The following PHACTR4 variants were observed in gnomAD, a reference collection of about 807,000 sequenced individuals.
PHACTR4 encodes the protein phosphatase and actin regulator 4, also known as protein phosphatase 1, regulatory subunit 124.
Under a neutral mutation model 72.7 loss-of-function variants are expected in PHACTR4, and 51 were observed. That is an observed-to-expected ratio of 0.70 (90% CI 0.56 to 0.89). PHACTR4 has a LOEUF of 0.89. PHACTR4 is among the 40% of genes least tolerant of loss of function. The probability of loss-of-function intolerance (pLI) is 0.00; values close to 1 mark genes in which losing one functional copy is unlikely to be tolerated. For synonymous variants in PHACTR4, 255 were observed against 302.5 expected, an observed-to-expected ratio of 0.84 and a Z score of 1.63; for missense variants, 731 against 861.8, an observed-to-expected ratio of 0.85 and a Z score of 1.90.
chr1:28,477,719 G>A (rs1272445529), intron 8 of PHACTR4, among the ~76,000 whole-genome samples: 10 of 151,668 alleles, frequency 6.6e-5, no homozygotes. Context: ...TTGAGACAGT[G>A]TCTCACTCTG....
At chr1:28,421,836 G>A (rs905309380) in intron 2 of PHACTR4, among the ~76,000 whole-genome samples, 40 of 152,186 alleles carry the variant, frequency 2.6e-4, no homozygotes, top group Admixed American at 1.6e-3. Flanking sequence ...GTGTGTATTT[G>A]TTTAGTTCTG....
At chr1:28,379,931 A>C (rs536960598) in intron 1 of PHACTR4, among the ~76,000 whole-genome samples, 15 of 151,856 alleles carry the variant, frequency 9.9e-5, no homozygotes, top group Non-Finnish European at 1.9e-4. Flanking sequence ...ATTTTTCCAT[A>C]AGTGGAGTAA....
chr1:28,432,477 A>G (rs139761159), intron 2 of PHACTR4, among the ~76,000 whole-genome samples: 46 of 149,094 alleles, frequency 3.1e-4, no homozygotes, highest in Non-Finnish European at 6.2e-4. Flanking sequence ...CCCTGTCTCT[A>G]TAAAAAAAAA....
At position 28,496,582 on chromosome 1, in the gene PHACTR4, G is replaced by T; in HGVS notation, c.*33G>T. On this transcript the variant is annotated 3_prime_UTR_variant, in exon 14 of 14. Coordinates refer to ENST00000373839, the MANE Select transcript of PHACTR4 (RefSeq NM_001048183.3). ...GGTTGAGAGAGGAATCAACATGGCTGCTTTGCTGCTTCCTTCTCCAAAGTG... is the reference window on the plus strand; with the variant it reads ...GGTTGAGAGAGGAATCAACATGGCTTCTTTGCTGCTTCCTTCTCCAAAGTG... 2 of 1,612,254 alleles carry T rather than the reference G, an allele frequency of 1.2e-6. No individual in the cohort carries two copies. The highest frequency in any genetic ancestry group is 1.7e-6 in the Non-Finnish European group (2 of 1,178,942).
intron 1 of PHACTR4, among the ~76,000 whole-genome samples, chr1:28,389,658 A>T (rs1447002748): frequency 6.6e-6 from 1 of 151,946 alleles, no homozygotes. Flanking sequence ...TTGTATTTTT[A>T]GTAGAGATGG....
intron 2 of PHACTR4, among the ~76,000 whole-genome samples, chr1:28,456,177 CT>C (rs1199004259): frequency 6.6e-6 from 1 of 152,124 alleles, no homozygotes; most frequent in Non-Finnish European, 1.5e-5. Context: ...ATGCTTGCAA[CT>C]GCCCTGCTTC....
intron 1 of PHACTR4, among the ~76,000 whole-genome samples, chr1:28,379,497 CT>C (rs1482790193): frequency 6.6e-6 from 1 of 151,954 alleles, no homozygotes; most frequent in East Asian, 1.9e-4. Flanking sequence ...TGGTCTTGAA[CT>C]CCTGGTCTCA....
At chr1:28,379,541 T>C (rs1651969749) in intron 1 of PHACTR4, among the ~76,000 whole-genome samples, 1 of 151,962 alleles carries the variant, frequency 6.6e-6, no homozygotes, top group South Asian at 2.1e-4. Context: ...GCCAGAGTGC[T>C]AGGATTACAG....
At chr1:28,469,983 C>T (rs546872085) in intron 6 of PHACTR4, among the ~76,000 whole-genome samples, 28 of 151,638 alleles carry the variant, frequency 1.8e-4, no homozygotes, top group African/African-American at 5.1e-4. Flanking sequence ...CACTTGAACC[C>T]GGGAAGTGGC....
rs181628374 is a variant in PHACTR4 at position 28,486,405 on chromosome 1, A to C, written c.1761-2765A>C. On this transcript the variant is annotated intron_variant, in intron 9 of 13. Transcript: ENST00000373839. ...ACAGGAGTGATATGTTCATTCTTGC[A>C]ATTGTGATGATGATTTCACAGGTGA... Among the ~76,000 whole-genome samples the C allele has an allele frequency of 1.7e-4, 26 of 152,282 alleles. 1 individual carries two copies. The highest frequency in any genetic ancestry group is 1.4e-3 in the Admixed American group (22 of 15,276).
intron 3 of PHACTR4, 131 bp downstream of exon 3, chr1:28,459,389 C>CTTA: frequency 3.2e-6 from 2 of 631,618 alleles, no homozygotes; most frequent in Non-Finnish European, 4.9e-6. Flanking sequence ...TTATTCTTTC[C>CTTA]TTCTTCTTTT....
At chr1:28,457,906 G>A in intron 2 of PHACTR4, 2 of 976,024 alleles carry the variant, frequency 2.0e-6, no homozygotes, top group Non-Finnish European at 2.4e-6. Context: ...TTTTTTGGTT[G>A]CCTTCCTGCT....
At chr1:28,470,876 T>C (rs1659514563) in intron 6 of PHACTR4, among the ~76,000 whole-genome samples, 1 of 150,666 alleles carries the variant, frequency 6.6e-6, no homozygotes, top group South Asian at 2.1e-4. Flanking sequence ...ATTAAAAAAA[T>C]TAGTCAGGCA....
chr1:28,426,040 G>C (rs554661673), intron 2 of PHACTR4, among the ~76,000 whole-genome samples: 1 of 152,050 alleles, frequency 6.6e-6, no homozygotes, highest in Admixed American at 6.5e-5. Context: ...GACCAACATG[G>C]TGAAACCCCA....
intron 1 of PHACTR4, among the ~76,000 whole-genome samples, chr1:28,373,296 A>ATTT (rs11449923): frequency 6.7e-6 from 1 of 149,190 alleles, no homozygotes. Context: ...TTTAAACATA[A>ATTT]TTTTTTTTTT....
rs140413693 is a variant in PHACTR4, at chr1:28,456,389, C to T, written c.17-2696C>T. On this transcript the variant is annotated intron_variant, in intron 2 of 13. Coordinates refer to ENST00000373839, the MANE Select transcript of PHACTR4 (RefSeq NM_001048183.3). The stretch of plus-strand genomic sequence containing the variant: ...GGTGCTAAACTATTCATGAGAAATC[C>T]ACCCCCATGATCCAGTCACCTCCAA... 5.5e-3 allele frequency among the ~76,000 whole-genome samples: 836 copies of T among 152,288 alleles called. 9 individuals are homozygous for T. Among genetic ancestry groups the T allele is most frequent in the Admixed American group, 0.019 (285 of 15,284 alleles).
chr1:28,373,795 TGGTTGTTACTCTCA>T (rs1651434193), intron 1 of PHACTR4, among the ~76,000 whole-genome samples: 1 of 152,180 alleles, frequency 6.6e-6, no homozygotes, highest in East Asian at 1.9e-4. Context: ...TTCTGTGAGA[TGGTTGTTACTCTCA>T]TTTTACAGCT....
intron 2 of PHACTR4, among the ~76,000 whole-genome samples, chr1:28,432,546 A>G (rs1305827498): frequency 6.6e-6 from 1 of 151,802 alleles, no homozygotes; most frequent in East Asian, 1.9e-4. Flanking sequence ...CCGGAGGCTG[A>G]GGTGGGAGGA....
chr1:28,433,454 C>CTTTTTTTCTTTTTTTT (rs1293025414), intron 2 of PHACTR4, among the ~76,000 whole-genome samples: 64 of 132,442 alleles, frequency 4.8e-4, no homozygotes, highest in Non-Finnish European at 9.6e-4. Context: ...TCTTTTTTTT[C>CTTTTTTTCTTTTTTTT]TTTTTTTCTT....
Sources: allele counts gnomAD v4.1 joint callset (sites outside exome capture counted in the v4.1 genomes callset), GRCh38; gene constraint gnomAD v4.1.1; transcripts MANE v1.5; gene names NCBI Gene and HGNC (gene_info 2026-07-23, HGNC 2026-07-21).